Variants in MMP16 observed in about 807,000 individuals in gnomAD.
The protein encoded by MMP16 is matrix metalloproteinase-16.
A neutral mutation model predicts 67.8 loss-of-function variants in MMP16; 12 were observed. The observed-to-expected ratio is 0.18, with a 90% CI of 0.11 to 0.29. The LOEUF (loss-of-function observed/expected upper bound fraction) is 0.29. Among genes scored for constraint, MMP16 ranks in the 10% least tolerant of loss-of-function variants. The pLI is 1.00. For synonymous variants in MMP16, 249 were observed against 255.9 expected, an observed-to-expected ratio of 0.97 and a Z score of 0.26; for missense variants, 475 against 765.7, an observed-to-expected ratio of 0.62 and a Z score of 4.48.
rs1488278615 is a variant in MMP16, at chr8:88,033,764, T to C, written c.*7697A>G. The C allele has an allele frequency of 1.3e-5, 2 of 152,022 alleles. No homozygotes were observed. Among genetic ancestry groups the C allele is most frequent in the Non-Finnish European group, 2.9e-5 (2 of 67,952 alleles). 9.4% of individuals were successfully genotyped at this position (152,022 alleles called of 1,614,324 possible). On this transcript the variant is annotated 3_prime_UTR_variant, in exon 10 of 10. Transcript: ENST00000286614. Reference sequence around the variant, plus strand: ...TAGAGGTCTGCAATAGAAATGCTGATACAGTCAAAACCAAGGCAGCAAAAA... The same window carrying C: ...TAGAGGTCTGCAATAGAAATGCTGACACAGTCAAAACCAAGGCAGCAAAAA...
chr8:88,223,870 G>A (rs1246991292), intron 1 of MMP16, among the ~76,000 whole-genome samples: 4 of 151,780 alleles, frequency 2.6e-5, no homozygotes, highest in African/African-American at 9.7e-5. Flanking sequence ...ATTTTACCAG[G>A]AAATATTGAT....
chr8:88,244,193 C>T (rs1184137455), intron 1 of MMP16, among the ~76,000 whole-genome samples: 1 of 152,098 alleles, frequency 6.6e-6, no homozygotes, highest in Non-Finnish European at 1.5e-5. Context: ...AGCATAAATG[C>T]AAACTCCTCG....
chr8:88,167,772 C>T lies in MMP16; in HGVS notation c.606G>A (p.Glu202=). 2 of 1,614,024 alleles carry T rather than the reference C, an allele frequency of 1.2e-6. No homozygotes were observed. The highest frequency in any genetic ancestry group is 1.7e-6 in the Non-Finnish European group (2 of 1,179,968). ...FHGDSSPFDG[E]GGFLAHAYFP... ...AGTAGGCATGTGCCAAAAATCCTCC[C>T]TCTCCATCAAAGGGAGAGCTGTCCC... Residue 202 remains glutamate (E), a synonymous_variant, in exon 4 of 10, where the codon GAG becomes GAA. Coordinates refer to ENST00000286614, the MANE Select transcript of MMP16 (RefSeq NM_005941.5).
chr8:88,060,969 A>G lies in MMP16; in HGVS notation c.1223-4691T>C, dbSNP rs1297185652. ...ATCTTGTTAGTACAGCAAGAAAGAA[A>G]AATTTTACAACCACTAGCAAGAGTG... On this transcript the variant is annotated intron_variant, in intron 7 of 9. Coordinates refer to ENST00000286614, the MANE Select transcript of MMP16 (RefSeq NM_005941.5). Among the ~76,000 whole-genome samples the G allele has an allele frequency of 2.6e-5, 4 of 151,774 alleles. No homozygotes were observed. The East Asian group carries it at 7.8e-4, about 30-fold the overall frequency.
Position 88,041,633 on chromosome 8 carries a change from A to C in MMP16, c.1652T>G (p.Ile551Ser), listed in dbSNP as rs955897945. The C allele has an allele frequency of 1.9e-6, 3 of 1,614,094 alleles. No homozygotes were observed. The highest frequency in any genetic ancestry group is 2.5e-6 in the Non-Finnish European group (3 of 1,179,994). Residue 551 changes from isoleucine (I) to serine (S), a missense_variant, in exon 10 of 10, where the codon ATT becomes AGT. Physicochemically the swap from Ile to Ser is moderately radical, Grantham distance 142. This residue lies in a region of MMP16 where 80 missense variants were observed against 93.4 expected (regional missense o/e 0.86). Transcript: ENST00000286614. This position sits in a 1 kb window ranked among gnomAD's most constrained non-coding sequence, Gnocchi z 6.0. ...EGHSPPDDVD[I>S]VIKLDNTAST... ...GGCTGTGTTGTCCAGTTTGATGACA[A>C]TGTCTACATCATCTGGTGGGCTGTG...
At chr8:88,292,722 T>C (rs552717277) in intron 1 of MMP16, among the ~76,000 whole-genome samples, 12 of 152,314 alleles carry the variant, frequency 7.9e-5, no homozygotes, top group African/African-American at 2.9e-4. Context: ...TATGGAAATC[T>C]ATAAGTATTA....
chr8:88,266,754 T>C (rs1210819124), intron 1 of MMP16, among the ~76,000 whole-genome samples: 1 of 152,172 alleles, frequency 6.6e-6, no homozygotes, highest in Non-Finnish European at 1.5e-5. Flanking sequence ...AACTGTTCCG[T>C]TGTTTAATGG....
At chr8:88,193,206 A>C (rs1032723679) in intron 2 of MMP16, among the ~76,000 whole-genome samples, 1 of 152,194 alleles carries the variant, frequency 6.6e-6, no homozygotes, top group Non-Finnish European at 1.5e-5. Context: ...TTTATACACA[A>C]TGGAATATTA....
chr8:88,155,963 G>C (rs1408731699), intron 4 of MMP16, among the ~76,000 whole-genome samples: 1 of 151,992 alleles, frequency 6.6e-6, no homozygotes, highest in Non-Finnish European at 1.5e-5. Context: ...CAAATTTTCT[G>C]CCTCAATTCC....
At chr8:88,318,323 T>C (rs1361213943) in intron 1 of MMP16, among the ~76,000 whole-genome samples, 4 of 152,232 alleles carry the variant, frequency 2.6e-5, no homozygotes, top group African/African-American at 9.6e-5. Context: ...ACCAATTATC[T>C]AATGATTTAG....
chr8:88,059,984 T>TA (rs367848525), intron 7 of MMP16, among the ~76,000 whole-genome samples: 8,994 of 134,964 alleles, frequency 0.067, 334 homozygotes, highest in African/African-American at 0.12. Flanking sequence ...TGAGAAGAGA[T>TA]AAAAAAAAAA....
intron 7 of MMP16, among the ~76,000 whole-genome samples, chr8:88,064,492 A>G (rs910240859): frequency 6.6e-6 from 1 of 152,114 alleles, no homozygotes; most frequent in Non-Finnish European, 1.5e-5. Context: ...ATCCTGGGCA[A>G]GTCATGAATC....
chr8:88,219,085 C>T (rs1486681372), intron 1 of MMP16, among the ~76,000 whole-genome samples: 1 of 151,596 alleles, frequency 6.6e-6, no homozygotes, highest in Non-Finnish European at 1.5e-5. Context: ...ATAATAAATA[C>T]ATATGATGAC....
chr8:88,171,830 A>AT (rs148093843), intron 3 of MMP16, among the ~76,000 whole-genome samples: 16,950 of 144,076 alleles, frequency 0.12, 1,032 homozygotes, highest in African/African-American at 0.14. Context: ...GATATGATGC[A>AT]TTTTTTTTTT....
chr8:88,134,523 A>C (rs1200294855), intron 4 of MMP16, among the ~76,000 whole-genome samples: 1 of 151,608 alleles, frequency 6.6e-6, no homozygotes, highest in Non-Finnish European at 1.5e-5. Context: ...TTTCATAAAA[A>C]AGGGGTTAGG....
At chr8:88,229,155 A>C (rs1809817695) in intron 1 of MMP16, among the ~76,000 whole-genome samples, 1 of 151,972 alleles carries the variant, frequency 6.6e-6, no homozygotes, top group Non-Finnish European at 1.5e-5. Context: ...GAAGAAGATA[A>C]ATAATAGGGT....
chr8:88,088,358 G>A (rs901232435), intron 6 of MMP16, among the ~76,000 whole-genome samples: 6 of 151,940 alleles, frequency 3.9e-5, no homozygotes, highest in Non-Finnish European at 7.4e-5. Context: ...AGGCAGGGGG[G>A]TTTGCCCAGG....
intron 3 of MMP16, 95 bp from the exon 4 acceptor site, chr8:88,168,068 A>G (rs965341746): frequency 1.1e-6 from 1 of 881,736 alleles, no homozygotes; most frequent in Non-Finnish European, 1.7e-6. Flanking sequence ...ATTAGAGAAA[A>G]TAGTCATATT....
intron 6 of MMP16, among the ~76,000 whole-genome samples, chr8:88,088,151 A>C (rs889195679): frequency 6.8e-6 from 1 of 146,278 alleles, no homozygotes; most frequent in Non-Finnish European, 1.5e-5. Flanking sequence ...ACTAGACCCC[A>C]GTGAGTGTTC....
Sources: gnomAD v4.1 joint callset for allele counts (sites outside exome capture counted in the v4.1 genomes callset) on GRCh38, gnomAD v4.1.1 for gene constraint, gnomAD v4.1.1 regional missense constraint, Gnocchi (gnomAD v3.1) non-coding constraint, MANE v1.5 for transcripts, NCBI Gene and HGNC (gene_info 2026-07-23, HGNC 2026-07-21) for gene names.